Variants in CNTLN observed in about 807,000 individuals in gnomAD.
CNTLN encodes the protein centlein, also known as centlein, centrosomal protein.
CNTLN carries 212 observed loss-of-function variants against 180.0 expected under a neutral mutation model. The ratio of observed to expected loss-of-function variants is 1.18; its 90% CI spans 1.05 to 1.32. CNTLN has a LOEUF of 1.32. CNTLN is among the 40% of genes most tolerant of loss of function. The pLI is 0.00. For missense variants in CNTLN, 2,095 were observed against 1,610.9 expected (o/e 1.30, Z -5.14); for synonymous variants, 722 against 563.1 (o/e 1.28, Z -3.99).
chr9:17,383,927 C>T (rs1415788887), intron 13 of CNTLN, among the ~76,000 whole-genome samples: 1 of 152,230 alleles, frequency 6.6e-6, no homozygotes, highest in African/African-American at 2.4e-5. Flanking sequence ...CGTGAGCCAC[C>T]TTGCCCGGCC....
Position 17,373,096 on chromosome 9 carries a change from A to G in CNTLN, c.1987+6379A>G, listed in dbSNP as rs139088245. Among the ~76,000 whole-genome samples the G allele has an allele frequency of 2.2e-3, 337 of 152,256 alleles. 1 individual carries two copies. Among genetic ancestry groups the G allele is most frequent in the Middle Eastern group, 3.4e-3 (1 of 294 alleles). On this transcript the variant is annotated intron_variant, in intron 13 of 25. Coordinates refer to ENST00000380647, the MANE Select transcript of CNTLN (RefSeq NM_017738.4). ...CGTGACCATGATGCCTACTTTCACCACTGTTATTCAACATAGTACTGGATG... is the reference window on the plus strand; with the variant it reads ...CGTGACCATGATGCCTACTTTCACCGCTGTTATTCAACATAGTACTGGATG...
chr9:17,149,512 CTTTTTT>C (rs55691769), intron 2 of CNTLN, among the ~76,000 whole-genome samples: 1 of 106,146 alleles, frequency 9.4e-6, no homozygotes, highest in East Asian at 2.6e-4. Context: ...TTCTTTCTTT[CTTTTTT>C]TTTTTTTTTT....
intron 2 of CNTLN, among the ~76,000 whole-genome samples, chr9:17,219,579 T>C (rs980216967): frequency 2.6e-5 from 4 of 152,090 alleles, no homozygotes; most frequent in Non-Finnish European, 4.4e-5. Flanking sequence ...AGGTATATTT[T>C]TGAAGTTTTT....
chr9:17,219,108 T>C (rs1823957734), intron 2 of CNTLN, among the ~76,000 whole-genome samples: 1 of 152,190 alleles, frequency 6.6e-6, no homozygotes. Context: ...CTCTCTTCGC[T>C]TCATTTTTCA....
chr9:17,381,768 G>A (rs1275756984), intron 13 of CNTLN, among the ~76,000 whole-genome samples: 1 of 152,162 alleles, frequency 6.6e-6, no homozygotes, highest in African/African-American at 2.4e-5. Flanking sequence ...AGGTCTGTTG[G>A]TTGGCTGGAG....
intron 15 of CNTLN, among the ~76,000 whole-genome samples, chr9:17,395,465 A>G (rs1260126955): frequency 6.6e-6 from 1 of 152,252 alleles, no homozygotes; most frequent in East Asian, 1.9e-4. Context: ...CTTGTGACAT[A>G]CCAACCTGGG....
intron 22 of CNTLN, 37 bp downstream of exon 22, chr9:17,466,155 G>A: frequency 6.5e-7 from 1 of 1,535,374 alleles, no homozygotes. Flanking sequence ...ATTACAGATG[G>A]AATATAATCG....
At chr9:17,338,752 A>T (rs78338894) in intron 10 of CNTLN, among the ~76,000 whole-genome samples, 3,636 of 152,264 alleles carry the variant, frequency 0.024, 175 homozygotes, top group East Asian at 0.23. Context: ...AGACTAAATT[A>T]TTCTCTATGT....
chr9:17,284,588 G>T lies in CNTLN; in HGVS notation c.983+10722G>T, dbSNP rs375919668. Among the ~76,000 whole-genome samples the T allele has an allele frequency of 2.2e-4, 33 of 152,246 alleles. No homozygotes were observed. In the South Asian group the frequency reaches 6.8e-3, roughly 32 times the overall value. ...TTATCTGAAGGTTGTTTGTATTTCTGTGGGGTCAGTGGTGACATCCCCTTT... is the reference window on the plus strand; with the variant it reads ...TTATCTGAAGGTTGTTTGTATTTCTTTGGGGTCAGTGGTGACATCCCCTTT... On this transcript the variant is annotated intron_variant, in intron 6 of 25. Coordinates refer to ENST00000380647, the MANE Select transcript of CNTLN (RefSeq NM_017738.4).
chr9:17,332,585 G>A lies in CNTLN; in HGVS notation c.1519-20G>A. 1 of 1,592,718 alleles carries A rather than the reference G, an allele frequency of 6.3e-7. No individual in the cohort carries two copies. Among genetic ancestry groups the A allele is most frequent in the Non-Finnish European group, 8.5e-7 (1 of 1,171,108 alleles). ...CCAGTGTTCCAACTAGTTCAACCAT[G>A]TCCTTGTTTTATTCTCGAGGAACCA... is the stretch of plus-strand genomic sequence containing the variant. On this transcript the variant is annotated intron_variant, in intron 9 of 25. Transcript: ENST00000380647.
chr9:17,296,908 C>T (rs932100601), intron 6 of CNTLN, among the ~76,000 whole-genome samples: 5 of 152,314 alleles, frequency 3.3e-5, no homozygotes, highest in East Asian at 1.9e-4. Context: ...CCATGTTCAA[C>T]AACTGTCTCC....
chr9:17,478,439 G>T (rs1279816633), intron 23 of CNTLN, among the ~76,000 whole-genome samples: 1 of 151,878 alleles, frequency 6.6e-6, no homozygotes, highest in African/African-American at 2.4e-5. Flanking sequence ...TGATTACGTT[G>T]TCTTTGCTTT....
chr9:17,388,400 A>G lies in CNTLN; in HGVS notation c.2079+147A>G, dbSNP rs1587854389. The G allele has an allele frequency of 5.3e-6, 3 of 571,382 alleles. No homozygotes were observed. The East Asian group carries it at 8.1e-5, about 15-fold the overall frequency. The allele number at this position is 571,382 out of a possible 1,614,324, so 35.4% of individuals were successfully genotyped here. On this transcript the variant is annotated intron_variant, in intron 14 of 25. Coordinates refer to ENST00000380647, the MANE Select transcript of CNTLN (RefSeq NM_017738.4). ...TAATTCAAAATCATTGGCTTGCCAA[A>G]ATGGGGTAAAAAAAATCAATGTTAG... is the stretch of plus-strand genomic sequence containing the variant.
intron 12 of CNTLN, among the ~76,000 whole-genome samples, chr9:17,356,375 A>G (rs1247486121): frequency 1.3e-5 from 2 of 152,192 alleles, no homozygotes; most frequent in African/African-American, 2.4e-5. Flanking sequence ...TTTCAGAATA[A>G]GATTAACCTA....
chr9:17,299,288 T>C (rs1205390519), intron 7 of CNTLN: 1 of 184,592 alleles, frequency 5.4e-6, no homozygotes, highest in Non-Finnish European at 1.0e-5. Context: ...ATTCTTCATA[T>C]GTTTTGTGTA....
At chr9:17,461,475 A>G (rs896274339) in intron 19 of CNTLN, among the ~76,000 whole-genome samples, 1 of 151,738 alleles carries the variant, frequency 6.6e-6, no homozygotes, top group African/African-American at 2.4e-5. Flanking sequence ...ATGTTGAGGT[A>G]GCTTTGGGTT....
chr9:17,295,427 T>C (rs1817815385), intron 6 of CNTLN, among the ~76,000 whole-genome samples: 2 of 152,220 alleles, frequency 1.3e-5, no homozygotes, highest in Non-Finnish European at 2.9e-5. Context: ...CCTTGGCTGG[T>C]GGTAGGAGCT....
In CNTLN at chr9:17,211,840, G is replaced by T. The variant is rs1823339010; in HGVS notation, c.450-14363G>T. ...CAATTGTGAATGGGAGTTCACTCAT[G>T]ATTTGGCTCTCTGTTTGTCTGTTGT... On this transcript the variant is annotated intron_variant, in intron 2 of 25. Coordinates refer to ENST00000380647, the MANE Select transcript of CNTLN (RefSeq NM_017738.4). Among the ~76,000 whole-genome samples, 8 of 152,126 alleles carry T rather than the reference G, an allele frequency of 5.3e-5. 1 individual carries two copies. The South Asian group carries it at 1.7e-3, about 32-fold the overall frequency.
intron 2 of CNTLN, among the ~76,000 whole-genome samples, chr9:17,159,052 C>G (rs535481266): frequency 3.3e-5 from 5 of 152,160 alleles, no homozygotes; most frequent in Non-Finnish European, 7.3e-5. Flanking sequence ...TTTCGCTAAT[C>G]TCAGAGTGAT....
Sources: gnomAD v4.1 joint callset for allele counts (sites outside exome capture counted in the v4.1 genomes callset) on GRCh38, gnomAD v4.1.1 for gene constraint, MANE v1.5 for transcripts, NCBI Gene and HGNC (gene_info 2026-07-23, HGNC 2026-07-21) for gene names.